RBFOX1: variants seen among roughly 807,000 people sequenced by gnomAD.
RBFOX1 encodes the protein RNA binding protein fox-1 homolog 1.
In RBFOX1, 8 loss-of-function variants were observed where a neutral mutation model predicts 57.7. The observed-to-expected ratio is 0.14, with a 90% CI of 0.08 to 0.25. The LOEUF (loss-of-function observed/expected upper bound fraction) is 0.25. RBFOX1 is among the 10% of genes least tolerant of loss of function. The pLI, the probability that RBFOX1 is intolerant of heterozygous loss-of-function variation, is 1.00. For missense variants in RBFOX1, 611 were observed against 548.5 expected (o/e 1.11, Z -1.14); for synonymous variants, 326 against 222.4 (o/e 1.47, Z -4.15).
chr16:6,907,782 CA>C (rs2070437685), intron 3 of RBFOX1, among the ~76,000 whole-genome samples: 1 of 151,840 alleles, frequency 6.6e-6, no homozygotes, highest in Non-Finnish European at 1.5e-5. Context: ...CCATTTTGGC[CA>C]GGCTGGTCTC....
intron 3 of RBFOX1, among the ~76,000 whole-genome samples, chr16:5,791,605 T>G (rs2054700014): frequency 6.6e-6 from 1 of 152,146 alleles, no homozygotes; most frequent in African/African-American, 2.4e-5. Context: ...ACAAGGGGTC[T>G]TAAGTTACTT....
chr16:7,413,687 G>C (rs557580111), intron 4 of RBFOX1, among the ~76,000 whole-genome samples: 2 of 152,002 alleles, frequency 1.3e-5, no homozygotes, highest in East Asian at 3.9e-4. Context: ...ATTCCTCAGC[G>C]GGTGTGGCAT....
chr16:5,917,682 G>A (rs186663520), intron 4 of RBFOX1, among the ~76,000 whole-genome samples: 37 of 152,196 alleles, frequency 2.4e-4, no homozygotes, highest in African/African-American at 8.4e-4. Flanking sequence ...AGTCCATGCC[G>A]CCATCCACCG....
intron 2 of RBFOX1, among the ~76,000 whole-genome samples, chr16:6,640,901 C>G (rs1003670344): frequency 2.0e-5 from 3 of 152,118 alleles, no homozygotes; most frequent in Non-Finnish European, 1.5e-5. Context: ...CAGAACAGCA[C>G]CAGAAACCCC....
At chr16:7,620,159 A>G (rs2059088258) in intron 10 of RBFOX1, among the ~76,000 whole-genome samples, 1 of 152,246 alleles carries the variant, frequency 6.6e-6, no homozygotes, top group Admixed American at 6.5e-5. Flanking sequence ...ATTGTTTTAG[A>G]TACCCAATAA....
chr16:6,827,081 C>T (rs140663805), intron 3 of RBFOX1, among the ~76,000 whole-genome samples: 1 of 152,268 alleles, frequency 6.6e-6, no homozygotes, highest in East Asian at 1.9e-4. Flanking sequence ...GATTTCTTTG[C>T]ACATACTTAC....
At chr16:6,566,229 C>G (rs999055307) in intron 2 of RBFOX1, among the ~76,000 whole-genome samples, 4 of 152,164 alleles carry the variant, frequency 2.6e-5, no homozygotes, top group African/African-American at 9.6e-5. Flanking sequence ...TGGTGAAAAG[C>G]AACTGAGATC....
chr16:6,441,562 G>A (rs769617864), intron 2 of RBFOX1, among the ~76,000 whole-genome samples: 4 of 152,040 alleles, frequency 2.6e-5, no homozygotes, highest in East Asian at 1.9e-4. Context: ...GATTACAGGC[G>A]TGTGCCACCG....
intron 2 of RBFOX1, among the ~76,000 whole-genome samples, chr16:6,484,133 A>G (rs1427092348): frequency 6.6e-6 from 1 of 152,198 alleles, no homozygotes; most frequent in African/African-American, 2.4e-5. Flanking sequence ...TTATTCCCAG[A>G]GATGAATAAG....
chr16:7,412,111 A>G (rs1296594181), intron 4 of RBFOX1, among the ~76,000 whole-genome samples: 2 of 152,106 alleles, frequency 1.3e-5, no homozygotes, highest in Non-Finnish European at 2.9e-5. Flanking sequence ...AGTTGTGAAC[A>G]TGTACCATGC....
At chr16:6,553,946 C>T (rs1238034548) in intron 2 of RBFOX1, among the ~76,000 whole-genome samples, 2 of 152,030 alleles carry the variant, frequency 1.3e-5, no homozygotes, top group Non-Finnish European at 2.9e-5. Flanking sequence ...AGTGTGAGTT[C>T]CCAGAGGGCA....
chr16:5,414,093 A>G (rs2067095955), intron 1 of RBFOX1, among the ~76,000 whole-genome samples: 2 of 152,164 alleles, frequency 1.3e-5, no homozygotes, highest in African/African-American at 4.8e-5. Flanking sequence ...ACACTCAATG[A>G]TGAGATAAAG....
chr16:5,276,671 TAC>T (rs2063149719), intron 1 of RBFOX1, among the ~76,000 whole-genome samples: 1 of 152,130 alleles, frequency 6.6e-6, no homozygotes, highest in Non-Finnish European at 1.5e-5. Context: ...TAATCCCAGC[TAC>T]TCAGGCGGCT....
chr16:6,890,209 C>G (rs1490570089), intron 3 of RBFOX1, among the ~76,000 whole-genome samples: 1 of 152,072 alleles, frequency 6.6e-6, no homozygotes, highest in Admixed American at 6.6e-5. Context: ...TTTTGGTACC[C>G]TAAAATATTG....
chr16:5,398,984 CCTT>C (rs1450886738), intron 1 of RBFOX1, among the ~76,000 whole-genome samples: 2 of 152,180 alleles, frequency 1.3e-5, no homozygotes, highest in African/African-American at 4.8e-5. Flanking sequence ...CAGCTTTTCT[CCTT>C]CTCTTCCCGC....
At chr16:6,483,499 A>G (rs940551079) in intron 2 of RBFOX1, 18 of 1,535,562 alleles carry the variant, frequency 1.2e-5, no homozygotes, top group Middle Eastern at 3.3e-4. Flanking sequence ...TGCAGCCGAC[A>G]ATGAAATCTT....
chr16:5,393,355 G>T (rs901860393), intron 1 of RBFOX1, among the ~76,000 whole-genome samples: 2 of 152,206 alleles, frequency 1.3e-5, no homozygotes, highest in African/African-American at 4.8e-5. Context: ...GTATCTGTCC[G>T]TGTCCAGGCA....
At chr16:5,318,994 G>A (rs2064321216) in intron 1 of RBFOX1, among the ~76,000 whole-genome samples, 1 of 152,140 alleles carries the variant, frequency 6.6e-6, no homozygotes, top group African/African-American at 2.4e-5. Flanking sequence ...GGGCATGGTG[G>A]CGTGCGCCTG....
intron 1 of RBFOX1, among the ~76,000 whole-genome samples, chr16:6,149,166 C>G (rs138477232): frequency 7.7e-4 from 118 of 152,314 alleles, no homozygotes; most frequent in African/African-American, 2.8e-3. Context: ...TTGGGGGCCT[C>G]CTTAATTTTT....
Sources: gnomAD v4.1 joint callset for allele counts (sites outside exome capture counted in the v4.1 genomes callset) on GRCh38, gnomAD v4.1.1 for gene constraint, MANE v1.5 for transcripts, NCBI Gene and HGNC (gene_info 2026-07-23, HGNC 2026-07-21) for gene names.